The following OSBP2 variants were observed in gnomAD, a reference collection of about 807,000 sequenced individuals.
OSBP2 encodes the protein oxysterol binding protein 2, also known as oxysterol-binding protein 2.
In OSBP2, 66 loss-of-function variants were observed where a neutral mutation model predicts 96.0. The observed-to-expected ratio is 0.69, with a 90% CI of 0.56 to 0.84. The LOEUF (loss-of-function observed/expected upper bound fraction) is 0.84. OSBP2 is among the 40% of genes least tolerant of loss of function. OSBP2 has a pLI of 0.00. For synonymous variants in OSBP2, 525 were observed against 520.9 expected (o/e 1.01, Z -0.11); for missense variants, 1,038 against 1,222.7 (o/e 0.85, Z 2.25).
chr22:30,856,161 C>A (rs890281468), intron 2 of OSBP2, among the ~76,000 whole-genome samples: 7 of 152,312 alleles, frequency 4.6e-5, no homozygotes, highest in Middle Eastern at 6.8e-3. Context: ...TAGCCCTGCT[C>A]TGAGATAAGG....
At chr22:30,859,201 T>C (rs1455135073) in intron 2 of OSBP2, among the ~76,000 whole-genome samples, 1 of 152,150 alleles carries the variant, frequency 6.6e-6, no homozygotes, top group African/African-American at 2.4e-5. Context: ...GCTGGCTGTC[T>C]CCAGGCCAGG....
intron 2 of OSBP2, among the ~76,000 whole-genome samples, chr22:30,753,453 T>TCAC (rs1475670050): frequency 6.6e-6 from 1 of 151,914 alleles, no homozygotes; most frequent in Non-Finnish European, 1.5e-5. Context: ...AGCCTGGGAG[T>TCAC]CACCAGGGGA....
intron 2 of OSBP2, among the ~76,000 whole-genome samples, chr22:30,792,556 A>G (rs1417334318): frequency 6.6e-6 from 1 of 152,186 alleles, no homozygotes; most frequent in Non-Finnish European, 1.5e-5. Context: ...TCTATGCATG[A>G]ATCATTCATA....
chr22:30,792,315 CAA>C (rs532658929), intron 2 of OSBP2, among the ~76,000 whole-genome samples: 3 of 125,514 alleles, frequency 2.4e-5, no homozygotes, highest in Admixed American at 8.2e-5. Context: ...TCTACTGTCT[CAA>C]AAAAAAAAAA....
At chr22:30,877,317 TCTC>T (rs1438445427) in intron 3 of OSBP2, among the ~76,000 whole-genome samples, 2 of 152,154 alleles carry the variant, frequency 1.3e-5, no homozygotes, top group Non-Finnish European at 2.9e-5. Context: ...AACTGTGAAT[TCTC>T]CTGCCATTTA....
chr22:30,850,197 T>C (rs1291398519), intron 2 of OSBP2, among the ~76,000 whole-genome samples: 1 of 151,766 alleles, frequency 6.6e-6, no homozygotes, highest in East Asian at 1.9e-4. Flanking sequence ...TCCCAGCTAC[T>C]TGGGAGGCTG....
rs1222052607 is a variant in OSBP2, at chr22:30,906,267, C to G, written c.2679C>G (p.Ala893=). ...KRLDPLTGEM[A]CVYKGGYWEA... ...TGGATCCGCTGACCGGGGAGATGGC[C>G]TGTGTGTACAAGGGCGGCTACTGGG... is the stretch of plus-strand genomic sequence containing the variant. Residue 893 remains alanine, a synonymous_variant, in exon 14 of 14, where the codon GCC becomes GCG. Transcript: ENST00000332585. The G allele has an allele frequency of 1.2e-6, 2 of 1,614,176 alleles. No individual in the cohort carries two copies. The highest frequency in any genetic ancestry group is 2.2e-5 in the East Asian group (1 of 44,884).
intron 2 of OSBP2, among the ~76,000 whole-genome samples, chr22:30,750,358 G>A (rs1386776391): frequency 6.6e-6 from 1 of 152,160 alleles, no homozygotes; most frequent in African/African-American, 2.4e-5. Flanking sequence ...TTACACGATG[G>A]TAAATGCAAA....
intron 2 of OSBP2, among the ~76,000 whole-genome samples, chr22:30,858,491 CA>C (rs2039133347): frequency 6.6e-6 from 1 of 151,926 alleles, no homozygotes; most frequent in Admixed American, 6.6e-5. Context: ...GCAGGGGCAG[CA>C]GAAAGAAAAA....
rs539109703 is a variant in OSBP2 at position 30,897,865 on chromosome 22, G to A, written c.2375+3864G>A. On this transcript the variant is annotated intron_variant, in intron 12 of 13. Coordinates refer to ENST00000332585, the MANE Select transcript of OSBP2 (RefSeq NM_030758.4). ...CTTGGGAGGCTGAGGTAAGAGAATC[G>A]CTTGAACCTGGAAGGCAGAGGTGGC... 9.2e-5 allele frequency among the ~76,000 whole-genome samples: 14 copies of A among 151,508 alleles called. No individual in the cohort carries two copies. In the East Asian group the frequency reaches 2.1e-3, roughly 23 times the overall value.
intron 2 of OSBP2, among the ~76,000 whole-genome samples, chr22:30,799,057 TTTCCTTCCTTCCTTCCTTCCTTCC>T (rs1159820708): frequency 8.3e-5 from 10 of 120,258 alleles, no homozygotes; most frequent in East Asian, 2.5e-4. Flanking sequence ...CATGCAAAGG[TTTCCTTCCTTCCTTCCTTCCTTCC>T]TTCCTTCCTT....
At chr22:30,701,939 C>T (rs964259005) in intron 1 of OSBP2, among the ~76,000 whole-genome samples, 12 of 152,300 alleles carry the variant, frequency 7.9e-5, no homozygotes, top group African/African-American at 2.4e-4. Flanking sequence ...AAAGAGGTGA[C>T]AAATGGACTA....
At chr22:30,832,379 C>T (rs1459404370) in intron 2 of OSBP2, among the ~76,000 whole-genome samples, 2 of 151,880 alleles carry the variant, frequency 1.3e-5, no homozygotes, top group Non-Finnish European at 1.5e-5. Context: ...CAGCCTCGAC[C>T]TCCCCATCTC....
At chr22:30,898,439 C>T (rs778469991) in intron 12 of OSBP2, among the ~76,000 whole-genome samples, 8 of 152,132 alleles carry the variant, frequency 5.3e-5, no homozygotes, top group Admixed American at 1.3e-4. Context: ...AAAGATACCA[C>T]CAGAGACTGG....
chr22:30,816,599 C>T (rs1291078259), intron 2 of OSBP2, among the ~76,000 whole-genome samples: 1 of 152,226 alleles, frequency 6.6e-6, no homozygotes, highest in Non-Finnish European at 1.5e-5. Context: ...CTTCCAGGCT[C>T]AGCTCCCAGA....
intron 2 of OSBP2, among the ~76,000 whole-genome samples, chr22:30,772,968 A>G (rs777171781): frequency 3.7e-4 from 56 of 149,492 alleles, no homozygotes; most frequent in Admixed American, 1.3e-3. Flanking sequence ...TAATTTTTGT[A>G]TTTTTATTAG....
intron 2 of OSBP2, among the ~76,000 whole-genome samples, chr22:30,805,099 G>A (rs1216010619): frequency 2.0e-5 from 3 of 152,184 alleles, no homozygotes; most frequent in African/African-American, 7.2e-5. Flanking sequence ...CTGTAACTGA[G>A]GAAGATACTA....
chr22:30,862,130 C>T (rs536249781), intron 2 of OSBP2, among the ~76,000 whole-genome samples: 4 of 152,334 alleles, frequency 2.6e-5, no homozygotes, highest in East Asian at 1.9e-4. Flanking sequence ...CCGAAGACCT[C>T]GCAGACTCTC....
intron 2 of OSBP2, among the ~76,000 whole-genome samples, chr22:30,776,986 A>G (rs1261653331): frequency 6.6e-6 from 1 of 152,028 alleles, no homozygotes; most frequent in African/African-American, 2.4e-5. Context: ...GTTTTAGCCA[A>G]TTTCTCCCAT....
Sources: allele counts gnomAD v4.1 joint callset (sites outside exome capture counted in the v4.1 genomes callset), GRCh38; gene constraint gnomAD v4.1.1; transcripts MANE v1.5; gene names NCBI Gene and HGNC (gene_info 2026-07-23, HGNC 2026-07-21).